ZNF14: variants seen among roughly 807,000 people sequenced by gnomAD.
ZNF14 encodes the protein gonadotropin inducible transcription repressor-4.
In ZNF14, 9 loss-of-function variants were observed where a neutral mutation model predicts 11.3. The ratio of observed to expected loss-of-function variants is 0.80; its 90% CI spans 0.48 to 1.39. The LOEUF (loss-of-function observed/expected upper bound fraction) is 1.39, where lower values mean the gene tolerates loss of function less well. Ranked by LOEUF, ZNF14 falls within the 40% of genes most tolerant of loss-of-function variation. The pLI is 0.00. For missense variants in ZNF14, 711 were observed against 763.9 expected, an observed-to-expected ratio of 0.93 and a Z score of 0.82; for synonymous variants, 239 against 245.7, an observed-to-expected ratio of 0.97 and a Z score of 0.25.
In ZNF14 at chr19:19,720,236, C is replaced by T. The variant is rs73006769; in HGVS notation, c.4-5749G>A. 0.039 allele frequency among the ~76,000 whole-genome samples: 5,940 copies of T among 152,084 alleles called. 161 individuals carry two copies. The highest frequency in any genetic ancestry group is 0.11 in the Middle Eastern group (32 of 294). ...AGTACCATCAAACAACTGGACTGAACGGAAAATCAAAACACTTAGACCAGC... is the reference window on the plus strand; with the variant it reads ...AGTACCATCAAACAACTGGACTGAATGGAAAATCAAAACACTTAGACCAGC... On this transcript the variant is annotated intron_variant, in intron 1 of 3. Coordinates refer to ENST00000344099, the MANE Select transcript of ZNF14 (RefSeq NM_021030.3). The surrounding 1 kb of genome is among the most constrained non-coding windows in gnomAD (Gnocchi z 4.1).
At chr19:19,730,773 G>GT (rs1555762863) in intron 1 of ZNF14, among the ~76,000 whole-genome samples, 1 of 152,134 alleles carries the variant, frequency 6.6e-6, no homozygotes, top group Non-Finnish European at 1.5e-5. Context: ...TTAGCTGGGC[G>GT]TGGTGGCGCA....
At chr19:19,718,977 G>A (rs925780678) in intron 1 of ZNF14, among the ~76,000 whole-genome samples, 1 of 152,108 alleles carries the variant, frequency 6.6e-6, no homozygotes, top group African/African-American at 2.4e-5. Flanking sequence ...TGTTGGCCAG[G>A]TGGGTGTCAA....
intron 1 of ZNF14, among the ~76,000 whole-genome samples, chr19:19,728,515 C>CAAAAAAAAA (rs56355771): frequency 1.9e-5 from 1 of 53,920 alleles, no homozygotes; most frequent in African/African-American, 7.3e-5. Context: ...AACTCCGTCT[C>CAAAAAAAAA]AAAAAAAAAA....
At chr19:19,723,084 G>C (rs1199825893) in intron 1 of ZNF14, among the ~76,000 whole-genome samples, 1 of 152,126 alleles carries the variant, frequency 6.6e-6, no homozygotes, top group Non-Finnish European at 1.5e-5. Flanking sequence ...TCTCCTGCCT[G>C]ATTGCCCTGG....
rs1187079311 is a variant in ZNF14 at position 19,728,328 on chromosome 19, C to A, written c.3+4628G>T. Among the ~76,000 whole-genome samples, 3 of 127,804 alleles carry A rather than the reference C, an allele frequency of 2.3e-5. 1 individual carries two copies. The allele number at this position is 127,804 out of a possible 152,430, so 83.8% of individuals were successfully genotyped here. A position where few individuals can be genotyped will look rare whatever the true frequency, so the allele number is the denominator to read the frequency against. Reference sequence around the variant, plus strand: ...GTCAGGAGTTCAAGACCAGCCTGGCCAACATGGTGAAATCCCGACTCTAAT... The same window carrying A: ...GTCAGGAGTTCAAGACCAGCCTGGCAAACATGGTGAAATCCCGACTCTAAT... On this transcript the variant is annotated intron_variant, in intron 1 of 3. Coordinates refer to ENST00000344099, the MANE Select transcript of ZNF14 (RefSeq NM_021030.3).
At chr19:19,713,862 C>A (rs2062369931) in intron 3 of ZNF14, among the ~76,000 whole-genome samples, 2 of 151,262 alleles carry the variant, frequency 1.3e-5, no homozygotes, top group Non-Finnish European at 2.9e-5. Context: ...GGATTACCTA[C>A]ATGAACTATT....
Position 19,713,217 on chromosome 19 carries a change from AAAGTT to A in ZNF14, c.192-133_192-129del, listed in dbSNP as rs1162589842. On this transcript the variant is annotated intron_variant, in intron 3 of 3. Coordinates refer to ENST00000344099, the MANE Select transcript of ZNF14 (RefSeq NM_021030.3). ...ATATCTGCCCTGTCTGAATTGTTTT[AAAGTT>A]AATATATTCAATGCTCTGGAAGAAG... 3 of 847,228 alleles carry A rather than the reference AAAGTT, an allele frequency of 3.5e-6. No homozygotes were observed. The African/African-American group carries it at 5.2e-5, about 15-fold the overall frequency. 52.5% of individuals were successfully genotyped at this position (847,228 alleles called of 1,614,324 possible).
chr19:19,713,763 T>TTTTTTTTTTTTTC (rs1555761279), intron 3 of ZNF14, among the ~76,000 whole-genome samples: 3 of 148,816 alleles, frequency 2.0e-5, no homozygotes, highest in South Asian at 2.2e-4. Context: ...TTTTTTTTTT[T>TTTTTTTTTTTTTC]CCCCAGATGA....
intron 1 of ZNF14, among the ~76,000 whole-genome samples, chr19:19,722,150 C>T (rs1004600634): frequency 6.6e-6 from 1 of 152,114 alleles, no homozygotes; most frequent in Non-Finnish European, 1.5e-5. Context: ...TGACAAATTA[C>T]ACCATCTGCT....
At chr19:19,713,328 C>A (rs1264606866) in intron 3 of ZNF14, among the ~76,000 whole-genome samples, 3 of 152,142 alleles carry the variant, frequency 2.0e-5, no homozygotes, top group Non-Finnish European at 4.4e-5. Context: ...ATTCTCTCAC[C>A]CAGGCTGGAG....
rs372887876 is a variant in ZNF14, at chr19:19,711,374, G to A, written c.1907C>T (p.Thr636Ile). ...SSSHFRLHER[T>I]HMGEKV Reference sequence around the variant, plus strand: ...TTCTTAGACTTTCTCTCCCATATGAGTCCTTTCATGCAGTCGAAAGTGACT... The same window carrying A: ...TTCTTAGACTTTCTCTCCCATATGAATCCTTTCATGCAGTCGAAAGTGACT... Residue 636 changes from threonine to isoleucine, a missense_variant, in exon 4 of 4, where the codon ACT becomes ATT. Thr to Ile is a moderately conservative substitution (Grantham distance 89, BLOSUM62 -1). Transcript: ENST00000344099. The A allele has an allele frequency of 6.4e-7, 1 of 1,566,232 alleles. No homozygotes were observed. The highest frequency in any genetic ancestry group is 1.4e-5 in the African/African-American group (1 of 73,032).
chr19:19,712,129 A>C lies in ZNF14; in HGVS notation c.1152T>G (p.Thr384=). The C allele has an allele frequency of 6.2e-7, 1 of 1,613,962 alleles. No homozygotes were observed. Among genetic ancestry groups the C allele is most frequent in the Non-Finnish European group, 8.5e-7 (1 of 1,180,010 alleles). Residue 384 remains threonine, a synonymous_variant, in exon 4 of 4, where the codon ACT becomes ACG. Coordinates refer to ENST00000344099, the MANE Select transcript of ZNF14 (RefSeq NM_021030.3). ...ACTCATAAGGTTTCTCTCCAGTATG[A>C]GTTCTTTCATGCAATCGAAGAGAAA... ...WSISLRLHER[T]HTGEKPYECK...
Position 19,712,686 on chromosome 19 carries a change from A to C in ZNF14, c.595T>G (p.Cys199Gly). 6.2e-7 allele frequency: 1 copy of C among 1,613,870 alleles called. No homozygotes were observed. Among genetic ancestry groups the C allele is most frequent in the Non-Finnish European group, 8.5e-7 (1 of 1,179,954 alleles). ...RTHAGQKPYE[C>G]KQCGKTFIYY... ...ATAAAGGTTTTTCCACATTGCTTAC[A>C]TTCATAGGGTTTCTGTCCAGCATGA... Residue 199 changes from cysteine (C) to glycine (G), a missense_variant, in exon 4 of 4, where the codon TGT becomes GGT. Cys to Gly is a radical substitution (Grantham distance 159). Coordinates refer to ENST00000344099, the MANE Select transcript of ZNF14 (RefSeq NM_021030.3).
intron 1 of ZNF14, among the ~76,000 whole-genome samples, chr19:19,732,110 T>C (rs1426849048): frequency 6.6e-6 from 1 of 152,072 alleles, no homozygotes; most frequent in Non-Finnish European, 1.5e-5. Context: ...ACAAATGACA[T>C]ACAGAGATTT....
At position 19,714,360 on chromosome 19, in the gene ZNF14, C is replaced by G; in HGVS notation, c.130+1G>C. The G allele has an allele frequency of 6.2e-7, 1 of 1,613,928 alleles. No homozygotes were observed. Among genetic ancestry groups the G allele is most frequent in the Non-Finnish European group, 8.5e-7 (1 of 1,179,994 alleles). On this transcript the variant is annotated splice_donor_variant, in intron 2 of 3. Transcript: ENST00000344099. LOFTEE classifies it high-confidence loss of function. ...GAGGAAAGAAATGTTGATATCCTTA[C>G]CTAGACAAACCAGGTTTTTGAAGGT...
In ZNF14 at chr19:19,711,221, C is replaced by G; in HGVS notation, c.*131G>C. 1 of 1,076,014 alleles carries G rather than the reference C, an allele frequency of 9.3e-7. No homozygotes were observed. The highest frequency in any genetic ancestry group is 1.3e-6 in the Non-Finnish European group (1 of 782,106). The allele number at this position is 1,076,014 out of a possible 1,614,324, so 66.7% of individuals were successfully genotyped here. On this transcript the variant is annotated 3_prime_UTR_variant, in exon 4 of 4. Transcript: ENST00000344099. ...TCACCAGTGGGAATTCTTTCGTGCT[C>G]AAAAGAAACTGGAACAATTAAGGGC...
intron 1 of ZNF14, among the ~76,000 whole-genome samples, chr19:19,718,178 T>C (rs1568449710): frequency 6.6e-6 from 1 of 152,212 alleles, no homozygotes; most frequent in African/African-American, 2.4e-5. Flanking sequence ...AGATTAGGTA[T>C]AGAAGAGATG....
Position 19,724,881 on chromosome 19 carries a change from T to G in ZNF14, c.3+8075A>C. Reference sequence around the variant, plus strand: ...GATCTTTGTTGGTTTAAAGTCTGTTTTATCAGAGACTAGGATTGCAACCCC... The same window carrying G: ...GATCTTTGTTGGTTTAAAGTCTGTTGTATCAGAGACTAGGATTGCAACCCC... On this transcript the variant is annotated intron_variant, in intron 1 of 3. Transcript: ENST00000344099. Among the ~76,000 whole-genome samples, 2 of 133,228 alleles carry G rather than the reference T, an allele frequency of 1.5e-5. 1 individual carries two copies. Among genetic ancestry groups the G allele is most frequent in the Non-Finnish European group, 3.3e-5 (2 of 60,026 alleles). The allele number at this position is 133,228 out of a possible 152,430, so 87.4% of individuals were successfully genotyped here.
chr19:19,723,929 C>G (rs1201142537), intron 1 of ZNF14, among the ~76,000 whole-genome samples: 2 of 133,286 alleles, frequency 1.5e-5, no homozygotes, highest in African/African-American at 2.8e-5. Context: ...GTGGTGATAT[C>G]CCCTTTATCA....
Sources: gnomAD v4.1 joint callset for allele counts (sites outside exome capture counted in the v4.1 genomes callset) on GRCh38, gnomAD v4.1.1 for gene constraint, Gnocchi (gnomAD v3.1) non-coding constraint, MANE v1.5 for transcripts, NCBI Gene and HGNC (gene_info 2026-07-23, HGNC 2026-07-21) for gene names.